ZNF385D: variants seen among roughly 807,000 people sequenced by gnomAD.
ZNF385D encodes zinc finger protein 385D, also known as zinc finger protein 659.
In ZNF385D, 15 loss-of-function variants were observed where a neutral mutation model predicts 35.8. The observed-to-expected ratio is 0.42, with a 90% CI of 0.28 to 0.64. ZNF385D has a LOEUF of 0.64. ZNF385D is among the 30% of genes least tolerant of loss of function. ZNF385D has a pLI of 0.23. For missense variants in ZNF385D, 474 were observed against 494.6 expected (o/e 0.96, Z 0.39); for synonymous variants, 212 against 186.8 (o/e 1.13, Z -1.10).
intron 2 of ZNF385D, among the ~76,000 whole-genome samples, chr3:22,368,660 G>C (rs1056161148): frequency 7.9e-5 from 12 of 152,128 alleles, no homozygotes; most frequent in African/African-American, 2.9e-4. Flanking sequence ...ACATGACAAA[G>C]AAAGGGTCCT....
chr3:22,264,658 G>T (rs1325935381), intron 2 of ZNF385D, among the ~76,000 whole-genome samples: 1 of 151,936 alleles, frequency 6.6e-6, no homozygotes, highest in Non-Finnish European at 1.5e-5. Context: ...TCTCCCTACT[G>T]CATTCTGTAG....
At chr3:21,917,249 C>T (rs184864885) in intron 3 of ZNF385D, among the ~76,000 whole-genome samples, 3 of 152,010 alleles carry the variant, frequency 2.0e-5, no homozygotes, top group Admixed American at 6.6e-5. Context: ...CTGGCCAACA[C>T]GGTGAAACCT....
chr3:21,895,850 C>T (rs558533805), intron 3 of ZNF385D, among the ~76,000 whole-genome samples: 168 of 151,996 alleles, frequency 1.1e-3, no homozygotes, highest in Non-Finnish European at 2.1e-3. Context: ...AGATCTTGGA[C>T]GTATGGCAGG....
At position 21,431,523 on chromosome 3, in the gene ZNF385D, C is replaced by T. The variant is rs534385944; in HGVS notation, c.673+5447G>A. Among the ~76,000 whole-genome samples, 7 of 152,076 alleles carry T rather than the reference C, an allele frequency of 4.6e-5. 1 individual carries two copies. The South Asian group carries it at 1.0e-3, about 23-fold the overall frequency. On this transcript the variant is annotated intron_variant, in intron 5 of 7. Coordinates refer to ENST00000281523, the MANE Select transcript of ZNF385D (RefSeq NM_024697.3). ...TCTTAACCACTTGAGATGAGGGCAC[C>T]GCAACAGAGAAATGGTACTGGCAAT...
chr3:21,916,817 T>C (rs1451330470), intron 3 of ZNF385D, among the ~76,000 whole-genome samples: 1 of 152,214 alleles, frequency 6.6e-6, no homozygotes, highest in African/African-American at 2.4e-5. Context: ...ATTTGCCAAA[T>C]ATTCCTAGAA....
At chr3:22,071,835 T>A (rs1700241458) in intron 3 of ZNF385D, among the ~76,000 whole-genome samples, 1 of 152,056 alleles carries the variant, frequency 6.6e-6, no homozygotes, top group African/African-American at 2.4e-5. Context: ...GCAATCATAC[T>A]CTTTTTGCTC....
intron 3 of ZNF385D, among the ~76,000 whole-genome samples, chr3:21,905,653 T>C (rs1256602190): frequency 4.0e-5 from 6 of 151,302 alleles, no homozygotes; most frequent in African/African-American, 1.5e-4. Flanking sequence ...TTTAATCTCA[T>C]ACATGGTCAA....
At chr3:22,365,443 G>C (rs546929272) in intron 2 of ZNF385D, among the ~76,000 whole-genome samples, 2 of 152,156 alleles carry the variant, frequency 1.3e-5, no homozygotes, top group African/African-American at 4.8e-5. Flanking sequence ...ATATTTCTAT[G>C]TAATTACATT....
At chr3:22,151,890 G>A (rs908952252) in intron 3 of ZNF385D, among the ~76,000 whole-genome samples, 13 of 152,092 alleles carry the variant, frequency 8.5e-5, no homozygotes, top group Admixed American at 8.5e-4. Context: ...GGGTACATGT[G>A]CAGGTTATAT....
intron 3 of ZNF385D, among the ~76,000 whole-genome samples, chr3:21,909,619 T>C (rs560121767): frequency 2.0e-5 from 3 of 152,148 alleles, no homozygotes; most frequent in South Asian, 2.1e-4. Context: ...GAATGGATTG[T>C]TGCAAAGTCA....
At chr3:21,461,662 T>A (rs544973944) in intron 4 of ZNF385D, among the ~76,000 whole-genome samples, 3 of 152,348 alleles carry the variant, frequency 2.0e-5, no homozygotes, top group Admixed American at 6.5e-5. Context: ...AAATTATTCA[T>A]GTTGGGCCAA....
intron 3 of ZNF385D, among the ~76,000 whole-genome samples, chr3:22,024,246 A>C (rs1182707376): frequency 6.6e-6 from 1 of 152,088 alleles, no homozygotes; most frequent in Non-Finnish European, 1.5e-5. Context: ...TTGCTCCTCA[A>C]CTTGCAGATA....
chr3:21,759,949 A>T (rs1300501340), intron 3 of ZNF385D, among the ~76,000 whole-genome samples: 1 of 152,212 alleles, frequency 6.6e-6, no homozygotes, highest in Non-Finnish European at 1.5e-5. Context: ...TCACAAAGTA[A>T]TTGAAAGTGT....
chr3:21,525,517 T>G (rs561531311), intron 3 of ZNF385D, among the ~76,000 whole-genome samples: 1 of 151,916 alleles, frequency 6.6e-6, no homozygotes, highest in Admixed American at 6.5e-5. Flanking sequence ...AAACCCCGTC[T>G]CTACTAAAAA....
chr3:21,857,038 G>C (rs1173901190), intron 3 of ZNF385D, among the ~76,000 whole-genome samples: 1 of 152,004 alleles, frequency 6.6e-6, no homozygotes, highest in African/African-American at 2.4e-5. Context: ...GCAATTTCTA[G>C]GTCCTTTCTC....
intron 2 of ZNF385D, among the ~76,000 whole-genome samples, chr3:21,643,900 A>G (rs1340861341): frequency 1.3e-5 from 2 of 152,282 alleles, no homozygotes; most frequent in East Asian, 3.9e-4. Flanking sequence ...ACAAAGGGCA[A>G]CAATAGCAAC....
intron 3 of ZNF385D, among the ~76,000 whole-genome samples, chr3:21,911,806 G>A (rs557779826): frequency 1.4e-4 from 21 of 151,836 alleles, no homozygotes; most frequent in East Asian, 1.4e-3. Context: ...TTGAAAAATC[G>A]TCCCAAGATT....
chr3:21,670,647 G>GCCCCCCCCCCCCCCCCCCCCCC (rs1575432248), intron 1 of ZNF385D, among the ~76,000 whole-genome samples: 1 of 15,758 alleles, frequency 6.3e-5, no homozygotes, highest in African/African-American at 2.5e-4. Context: ...GAAATCCTAA[G>GCCCCCCCCCCCCCCCCCCCCCC]GCGCCCCCCC....
intron 3 of ZNF385D, among the ~76,000 whole-genome samples, chr3:21,807,348 G>A (rs953892416): frequency 6.6e-6 from 1 of 151,968 alleles, no homozygotes; most frequent in African/African-American, 2.4e-5. Flanking sequence ...AGAAAATTTT[G>A]GTTTATGACA....
Sources: gnomAD v4.1 joint callset for allele counts (sites outside exome capture counted in the v4.1 genomes callset) on GRCh38, gnomAD v4.1.1 for gene constraint, MANE v1.5 for transcripts, NCBI Gene and HGNC (gene_info 2026-07-23, HGNC 2026-07-21) for gene names.